SYTL2: variants seen among roughly 807,000 people sequenced by gnomAD.
SYTL2 encodes synaptotagmin-like protein 2.
In SYTL2, 165 loss-of-function variants were observed where a neutral mutation model predicts 198.7. The ratio of observed to expected loss-of-function variants is 0.83; its 90% CI spans 0.73 to 0.94. SYTL2 has a LOEUF of 0.94. Among genes scored for constraint, SYTL2 ranks in the 40% least tolerant of loss-of-function variants. The pLI is 0.00. For synonymous variants in SYTL2, 966 were observed against 917.7 expected, an observed-to-expected ratio of 1.05 and a Z score of -0.95; for missense variants, 2,835 against 2,582.8, an observed-to-expected ratio of 1.10 and a Z score of -2.12.
At chr11:85,735,327 TGAAAA>T (rs1699442281) in intron 6 of SYTL2, among the ~76,000 whole-genome samples, 1 of 152,096 alleles carries the variant, frequency 6.6e-6, no homozygotes, top group African/African-American at 2.4e-5. Flanking sequence ...TTTTTAAGAA[TGAAAA>T]GAAAATTTCT....
At chr11:85,792,734 C>T (rs933849552) in intron 1 of SYTL2, among the ~76,000 whole-genome samples, 6 of 151,578 alleles carry the variant, frequency 4.0e-5, no homozygotes, top group South Asian at 2.1e-4. Flanking sequence ...CCCATTAACT[C>T]GTCATTTAGC....
chr11:85,733,077 GC>G (rs2089974065), intron 7 of SYTL2, among the ~76,000 whole-genome samples: 1 of 152,136 alleles, frequency 6.6e-6, no homozygotes, highest in African/African-American at 2.4e-5. Context: ...TGCCTTCAGG[GC>G]TTTTAAAGCC....
chr11:85,790,906 G>GAGCCACCCA (rs2092718650), intron 1 of SYTL2, among the ~76,000 whole-genome samples: 3 of 152,090 alleles, frequency 2.0e-5, no homozygotes, highest in Non-Finnish European at 4.4e-5. Context: ...GCTCATGTCT[G>GAGCCACCCA]TAATCCCAAC....
the SYTL2 span, among the ~76,000 whole-genome samples, chr11:85,845,584 G>C: frequency 6.6e-6 from 1 of 151,886 alleles, no homozygotes; most frequent in Non-Finnish European, 1.5e-5. Context: ...GCAACACAGA[G>C]AGACCTGGTC....
At chr11:85,771,940 T>C (rs1566008779) in intron 1 of SYTL2, among the ~76,000 whole-genome samples, 1 of 152,134 alleles carries the variant, frequency 6.6e-6, no homozygotes, top group Non-Finnish European at 1.5e-5. Flanking sequence ...TCTTGCTCTA[T>C]CACCCAGGCT....
chr11:85,733,589 T>TTTTG (rs1205598905), intron 7 of SYTL2: 4,573 of 76,626 alleles, frequency 0.06, 306 homozygotes, highest in Non-Finnish European at 0.074. Flanking sequence ...AAGTTTTTTT[T>TTTTG]TTTTGTTTTT....
Position 85,704,901 on chromosome 11 carries a change from T to C in SYTL2, c.6146A>G (p.Asn2049Ser). Reference sequence around the variant, plus strand: ...CCATCTCAATTGTTTATTCTGTTTGTTATCCCAGTCCCATGTTTCCAAATC... The same window carrying C: ...CCATCTCAATTGTTTATTCTGTTTGCTATCCCAGTCCCATGTTTCCAAATC... ...ELDLETWDWD[N>S]KQNKQLRWYP... is the part of the protein sequence containing the mutation. Residue 2049 changes from asparagine to serine, a missense_variant, in exon 16 of 20, where the codon AAC becomes AGC. Around this residue, in one of 3 missense-constraint regions of SYTL2, gnomAD observed 2,645 missense variants for 2,381.7 expected, o/e 1.11. Transcript: ENST00000359152. The C allele has an allele frequency of 6.2e-7, 1 of 1,613,830 alleles. No homozygotes were observed. The highest frequency in any genetic ancestry group is 1.7e-5 in the Admixed American group (1 of 60,010).
Position 85,736,525 on chromosome 11 carries a change from C to G in SYTL2, c.562G>C (p.Gly188Arg). Residue 188 changes from glycine to arginine, a missense_variant, in exon 6 of 20, where the codon GGT (glycine) becomes CGT (arginine). Gly to Arg is a moderately radical substitution (Grantham distance 125). Around this residue, in one of 3 missense-constraint regions of SYTL2, gnomAD observed 2,645 missense variants for 2,381.7 expected, o/e 1.11. Coordinates refer to ENST00000359152, the MANE Select transcript of SYTL2 (RefSeq NM_206927.4). ...CCCTCTTTTGAAGTCTGAAATAAACCAGTTCTTCCATTTTTTGACTGTTCA... is the reference window on the plus strand; with the variant it reads ...CCCTCTTTTGAAGTCTGAAATAAACGAGTTCTTCCATTTTTTGACTGTTCA... ...KNEQSKNGRT[G>R]LFQTSKEDEL... is the part of the protein sequence containing the mutation. The G allele has an allele frequency of 6.3e-7, 1 of 1,588,192 alleles. No individual in the cohort carries two copies. Among genetic ancestry groups the G allele is most frequent in the East Asian group, 2.3e-5 (1 of 44,424 alleles).
chr11:85,821,658 G>A, the SYTL2 span, among the ~76,000 whole-genome samples: 5 of 152,314 alleles, frequency 3.3e-5, no homozygotes, highest in East Asian at 7.7e-4. Flanking sequence ...TATGTGGAAC[G>A]GACTCAGGGA....
At chr11:85,840,066 T>C in the SYTL2 span, among the ~76,000 whole-genome samples, 4 of 152,214 alleles carry the variant, frequency 2.6e-5, no homozygotes, top group Non-Finnish European at 5.9e-5. Context: ...TATATGCCTG[T>C]TTGCCATTTG....
At chr11:85,722,608 C>T (rs1378742290) in intron 8 of SYTL2, among the ~76,000 whole-genome samples, 1 of 152,082 alleles carries the variant, frequency 6.6e-6, no homozygotes, top group Non-Finnish European at 1.5e-5. Context: ...GGTCAGTTTA[C>T]ACTAGCAACT....
chr11:85,725,606 T>C lies in SYTL2; in HGVS notation c.3752A>G (p.Lys1251Arg). Residue 1251 changes from lysine to arginine, a missense_variant, in exon 8 of 20, where the codon AAA becomes AGA. Coordinates refer to ENST00000359152, the MANE Select transcript of SYTL2 (RefSeq NM_206927.4). The stretch of plus-strand genomic sequence containing the variant: ...AGTATTGTGACTCTGTTCTATCCCT[T>C]TTCCAAAAAATCTCCCCTCTTCCAG... ...SKLEEGRFFG[K>R]GIEQSHNTSA... 3 of 1,614,122 alleles carry C rather than the reference T, an allele frequency of 1.9e-6. No homozygotes were observed. The highest frequency in any genetic ancestry group is 2.5e-6 in the Non-Finnish European group (3 of 1,180,004).
At chr11:85,767,149 A>T (rs1235790334) in intron 1 of SYTL2, among the ~76,000 whole-genome samples, 2 of 152,246 alleles carry the variant, frequency 1.3e-5, no homozygotes, top group African/African-American at 2.4e-5. Flanking sequence ...CACATGAAAC[A>T]AAGTAACAGT....
At chr11:85,814,335 A>T (rs2093059104), upstream of SYTL2, among the ~76,000 whole-genome samples, 1 of 152,204 alleles carries the variant, frequency 6.6e-6, no homozygotes, top group Non-Finnish European at 1.5e-5. Flanking sequence ...CCTTCAGTGT[A>T]TGTGACTGTA....
chr11:85,733,498 T>C (rs2090007085), intron 7 of SYTL2: 1 of 154,082 alleles, frequency 6.5e-6, no homozygotes, highest in African/African-American at 2.4e-5. Flanking sequence ...CAGTGGCATC[T>C]GTCTGAATTG....
At chr11:85,700,423 T>C in intron 17 of SYTL2, 92 bp downstream of exon 17, 2 of 972,284 alleles carry the variant, frequency 2.1e-6, no homozygotes, top group Non-Finnish European at 3.2e-6. Context: ...ATAAGTTTCT[T>C]TAGGGCCTCA....
chr11:85,714,396 A>G lies in SYTL2; in HGVS notation c.5625+17T>C, dbSNP rs770793271. The G allele has an allele frequency of 6.3e-7, 1 of 1,596,106 alleles. No individual in the cohort carries two copies. Among genetic ancestry groups the G allele is most frequent in the South Asian group, 1.1e-5 (1 of 90,704 alleles). On this transcript the variant is annotated intron_variant, in intron 12 of 19. Transcript: ENST00000359152. ...CCTCTGTCTCCATTTTTCTGAAGGT[A>G]CAAAAGACAAACTTGCCTCATCTTG... is the stretch of plus-strand genomic sequence containing the variant.
In SYTL2 at chr11:85,725,673, G is replaced by A. The variant is rs754580959; in HGVS notation, c.3685C>T (p.Gln1229Ter). The A allele has an allele frequency of 2.1e-5, 34 of 1,613,956 alleles. No individual in the cohort carries two copies. Among genetic ancestry groups the A allele is most frequent in the Non-Finnish European group, 2.2e-5 (26 of 1,180,012 alleles). Residue 1229 changes from glutamine (Q) to a stop codon, truncating the protein, a stop_gained, in exon 8 of 20, where the codon CAA becomes TAA. Transcript: ENST00000359152. LOFTEE classifies it high-confidence loss of function. Reference protein sequence around the residue: ...EATGTSPSPLQAKLAPVITGT... With the variant: ...EATGTSPSPL ...GTGATAACAGGCGCCAACTTGGCTT[G>A]CAAGGGAGAGGGTGAAGTTCCAGTT...
intron 1 of SYTL2, among the ~76,000 whole-genome samples, chr11:85,791,352 C>A (rs1460347604): frequency 6.6e-6 from 1 of 152,058 alleles, no homozygotes; most frequent in Non-Finnish European, 1.5e-5. Context: ...TAGCAACTAG[C>A]CACAATCTTT....
Sources: allele counts gnomAD v4.1 joint callset (sites outside exome capture counted in the v4.1 genomes callset), GRCh38; gene constraint gnomAD v4.1.1; regional missense constraint gnomAD v4.1.1; transcripts MANE v1.5; gene names NCBI Gene and HGNC (gene_info 2026-07-23, HGNC 2026-07-21).